CHKB: variants seen among roughly 807,000 people sequenced by gnomAD.
CHKB encodes choline kinase beta, also known as choline/ethanolamine kinase.
A neutral mutation model predicts 57.3 loss-of-function variants in CHKB; 45 were observed. That is an observed-to-expected ratio of 0.79 (90% confidence interval 0.62 to 1.01). The LOEUF (loss-of-function observed/expected upper bound fraction) is 1.01, where lower values mean the gene tolerates loss of function less well. CHKB is among the 50% of genes least tolerant of loss of function. CHKB has a pLI of 0.00. For synonymous variants in CHKB, 224 were observed against 201.8 expected (o/e 1.11, Z -0.93); for missense variants, 517 against 502.8 (o/e 1.03, Z -0.27).
rs1445379653 is a variant in CHKB, at chr22:50,582,060, G to A, written c.333+189C>T. On this transcript the variant is annotated intron_variant, in intron 2 of 10. Coordinates refer to ENST00000406938, the MANE Select transcript of CHKB (RefSeq NM_005198.5). ...GTCCAGGCTGGTCTCGAACTCCTGT[G>A]CTCAAGTGATCCTCTCGCCTCAGCC... 1.2e-5 allele frequency: 9 copies of A among 768,642 alleles called. No individual in the cohort carries two copies. The East Asian group carries it at 2.4e-4, about 21-fold the overall frequency. The allele number at this position is 768,642 out of a possible 1,614,324, so 47.6% of individuals were successfully genotyped here. A position where few individuals can be genotyped will look rare whatever the true frequency, so the allele number is the denominator to read the frequency against.
chr22:50,581,090 A>ATTTATTT, intron 4 of CHKB, among the ~76,000 whole-genome samples: 1 of 149,874 alleles, frequency 6.7e-6, no homozygotes, highest in South Asian at 2.1e-4. Context: ...CTTGGCAATC[A>ATTTATTT]TTTCTTTTTT....
In CHKB at chr22:50,582,244, C is replaced by G; in HGVS notation, c.333+5G>C. 6.3e-7 allele frequency: 1 copy of G among 1,581,876 alleles called. No individual in the cohort carries two copies. The highest frequency in any genetic ancestry group is 8.6e-7 in the Non-Finnish European group (1 of 1,166,016). On this transcript the variant is annotated splice_donor_5th_base_variant and intron_variant, in intron 2 of 10. Transcript: ENST00000406938. ...CTGGTGCTGCGGCGCTCACACCCCC[C>G]TCACCTGCAAGATGGCTCCGTACAG... is the stretch of plus-strand genomic sequence containing the variant.
In CHKB at chr22:50,580,041, TCATAAACC is replaced by T. The variant is rs1315249447; in HGVS notation, c.852_859del (p.Trp284Ter). The T allele has an allele frequency of 7.4e-6, 12 of 1,613,894 alleles. No homozygotes were observed. Among genetic ancestry groups the T allele is most frequent in the Non-Finnish European group, 8.5e-6 (10 of 1,180,030 alleles). ...GAAAGGCCATTCCTCGTGAGTATAA[TCATAAACC>T]CACTCACAAAAATGGTTCCCAATGT... On this transcript the variant is annotated stop_gained and frameshift_variant, in exon 8 of 11. Transcript: ENST00000406938. LOFTEE classifies it high-confidence loss of function.
intron 2 of CHKB, 91 bp from the exon 3 acceptor site, chr22:50,581,953 C>G: frequency 2.6e-6 from 3 of 1,142,236 alleles, no homozygotes; most frequent in Non-Finnish European, 4.0e-6. Flanking sequence ...GCTGCGACTT[C>G]TGATCCAATT....
At position 50,580,091 on chromosome 22, in the gene CHKB, A is replaced by G. The variant is rs368960649; in HGVS notation, c.819-9T>C. 6 of 1,613,710 alleles carry G rather than the reference A, an allele frequency of 3.7e-6. No homozygotes were observed. In the Admixed American group the frequency reaches 6.7e-5, roughly 18 times the overall value. On this transcript the variant is annotated splice_polypyrimidine_tract_variant and intron_variant, in intron 7 of 10. Transcript: ENST00000406938. ...TCCCAATGTCAAAGCCCCTGGGAGA[A>G]TAAGGTGGACATTCAGTCCCCAAAT...
Position 50,579,188 on chromosome 22 carries a change from G to C in CHKB, c.1181C>G (p.Ser394Ter), listed in dbSNP as rs772125270. ...AGGAGTGGGAGGGTGGAGTCAGGAT[G>C]AGGAGTGGACACTGGTCAGCTGCCC... is the stretch of plus-strand genomic sequence containing the variant. ...QKGQLTSVHS[S>*]S is the part of the protein sequence containing the mutation. Residue 394 changes from serine (S) to a stop codon, truncating the protein, a stop_gained, in exon 11 of 11, where the codon TCA becomes TGA. Transcript: ENST00000406938. LOFTEE classifies it high-confidence loss of function. 6.2e-7 allele frequency: 1 copy of C among 1,613,618 alleles called. No homozygotes were observed.
chr22:50,579,700 T>TA lies in CHKB; in HGVS notation c.1031+26dup, dbSNP rs561162428. The TA allele has an allele frequency of 4.6e-4, 723 of 1,557,916 alleles. 5 individuals are homozygous for TA. In the African/African-American group the frequency reaches 8.8e-3, roughly 19 times the overall value. Reference sequence around the variant, plus strand: ...AATCCCTCTTTCCTCTGCTCTGCCCTACCCCACCCTGCCCCTCCTTCCTCA... The same window carrying TA: ...AATCCCTCTTTCCTCTGCTCTGCCCTAACCCCACCCTGCCCCTCCTTCCTCA... On this transcript the variant is annotated intron_variant, in intron 9 of 10. Transcript: ENST00000406938.
In CHKB at chr22:50,580,604, A is replaced by T. The variant is rs768970529; in HGVS notation, c.638T>A (p.Leu213Gln). 1.2e-6 allele frequency: 2 copies of T among 1,614,058 alleles called. No homozygotes were observed. Among genetic ancestry groups the T allele is most frequent in the South Asian group, 2.2e-5 (2 of 91,072 alleles). Residue 213 changes from leucine (L) to glutamine (Q), a missense_variant, in exon 5 of 11, where the codon CTG (leucine) becomes CAG (glutamine). Transcript: ENST00000406938. ...PPTGLPEMNL[L>Q]EMYSLKDEMG... Reference sequence around the variant, plus strand: ...CTCATCCTTCAGGCTGTACATCTCCAGCAGGTTCATCTCAGGGAGGCCAGT... The same window carrying T: ...CTCATCCTTCAGGCTGTACATCTCCTGCAGGTTCATCTCAGGGAGGCCAGT...
At chr22:50,582,416 GCCCCCTCCCGGCCAGGCCGGCCCCGC>G (rs770361712) in intron 1 of CHKB, 59 bp from the exon 2 acceptor site, 12 of 1,482,072 alleles carry the variant, frequency 8.1e-6, no homozygotes, top group South Asian at 6.3e-5. Flanking sequence ...CGCGGCCCCG[GCCCCCTCCCGGCCAGGCCGGCCCCGC>G]CCCGCCCCAG....
intron 10 of CHKB, 27 bp from the exon 11 acceptor site, chr22:50,579,282 G>C (rs758453999): frequency 6.2e-7 from 1 of 1,610,928 alleles, no homozygotes; most frequent in South Asian, 1.1e-5. Flanking sequence ...ACCCCACACA[G>C]TGGTGAGAAG....
chr22:50,579,017 G>T lies in CHKB; in HGVS notation c.*164C>A. 1.4e-6 allele frequency: 1 copy of T among 707,568 alleles called. No individual in the cohort carries two copies. Among genetic ancestry groups the T allele is most frequent in the Non-Finnish European group, 2.6e-6 (1 of 390,074 alleles). The allele number at this position is 707,568 out of a possible 1,614,324, so 43.8% of individuals were successfully genotyped here. ...CATACACAGCACGGGGCTCTGGCCT[G>T]CCAGCCATGGGGACCTACTCAAACT... is the stretch of plus-strand genomic sequence containing the variant. On this transcript the variant is annotated 3_prime_UTR_variant, in exon 11 of 11. Coordinates refer to ENST00000406938, the MANE Select transcript of CHKB (RefSeq NM_005198.5).
Position 50,579,117 on chromosome 22 carries a change from G to T in CHKB, c.*64C>A. ...CAGTCGCCAGGGCCTTCTGCTCGTTGTTCCTCCCTCCAAGGTCCTGCCCTG... is the reference window on the plus strand; with the variant it reads ...CAGTCGCCAGGGCCTTCTGCTCGTTTTTCCTCCCTCCAAGGTCCTGCCCTG... On this transcript the variant is annotated 3_prime_UTR_variant, in exon 11 of 11. Coordinates refer to ENST00000406938, the MANE Select transcript of CHKB (RefSeq NM_005198.5). 6.7e-7 allele frequency: 1 copy of T among 1,501,964 alleles called. No homozygotes were observed. Among genetic ancestry groups the T allele is most frequent in the East Asian group, 2.3e-5 (1 of 42,564 alleles). The allele number at this position is 1,501,964 out of a possible 1,614,324, so 93.0% of individuals were successfully genotyped here.
chr22:50,582,426 G>A (rs2070715249), intron 1 of CHKB, 69 bp from the exon 2 acceptor site: 2 of 1,459,360 alleles, frequency 1.4e-6, no homozygotes, highest in African/African-American at 1.5e-5. Flanking sequence ...GCCCCCTCCC[G>A]GCCAGGCCGG....
In CHKB at chr22:50,579,960, T is replaced by C; in HGVS notation, c.927+14A>G. On this transcript the variant is annotated intron_variant, in intron 8 of 10. Transcript: ENST00000406938. ...ACAGGATGGGTCCTGCTCCCCAGCCTCTGGCCCACATACCTGCTGTTCTTG... is the reference window on the plus strand; with the variant it reads ...ACAGGATGGGTCCTGCTCCCCAGCCCCTGGCCCACATACCTGCTGTTCTTG... The C allele has an allele frequency of 6.2e-7, 1 of 1,612,982 alleles. No homozygotes were observed. Among genetic ancestry groups the C allele is most frequent in the Non-Finnish European group, 8.5e-7 (1 of 1,178,984 alleles).
intron 2 of CHKB, 80 bp from the exon 3 acceptor site, chr22:50,581,942 A>G: frequency 1.6e-6 from 2 of 1,246,140 alleles, no homozygotes; most frequent in African/African-American, 1.5e-5. Flanking sequence ...CTCCCACCAG[A>G]GCTGCGACTT....
chr22:50,582,179 A>G, intron 2 of CHKB, 70 bp downstream of exon 2: 2 of 1,374,408 alleles, frequency 1.5e-6, no homozygotes, highest in African/African-American at 2.9e-5. Flanking sequence ...CAACGGGAAC[A>G]ATACTACCCG....
chr22:50,579,572 A>C (rs1381436825), intron 9 of CHKB, 65 bp from the exon 10 acceptor site: 11 of 1,587,170 alleles, frequency 6.9e-6, no homozygotes, highest in Non-Finnish European at 9.5e-6. Flanking sequence ...GGATCCCCTC[A>C]CCCAGGTTGG....
intron 3 of CHKB, 21 bp downstream of exon 3, chr22:50,581,728 A>C: frequency 6.3e-7 from 1 of 1,597,874 alleles, no homozygotes; most frequent in Non-Finnish European, 8.6e-7. Flanking sequence ...TGGGGAGGAG[A>C]GGGTAGGACT....
chr22:50,580,113 A>C, intron 7 of CHKB, 31 bp from the exon 8 acceptor site: 2 of 1,613,240 alleles, frequency 1.2e-6, no homozygotes, highest in Non-Finnish European at 1.7e-6. Context: ...TTCAGTCCCC[A>C]AATGCCCTGG....
Sources: allele counts gnomAD v4.1 joint callset (sites outside exome capture counted in the v4.1 genomes callset), GRCh38; gene constraint gnomAD v4.1.1; transcripts MANE v1.5; gene names NCBI Gene and HGNC (gene_info 2026-07-23, HGNC 2026-07-21).